Variants in CLASRP observed in about 807,000 individuals in gnomAD.
CLASRP encodes CLK4-associating serine/arginine rich protein.
In CLASRP, 52 loss-of-function variants were observed where a neutral mutation model predicts 99.9. The observed-to-expected ratio is 0.52, with a 90% CI of 0.42 to 0.66. The LOEUF is 0.66. Ranked by LOEUF, CLASRP falls within the 30% of genes least tolerant of loss-of-function variation. The pLI is 0.00. For synonymous variants in CLASRP, 379 were observed against 373.0 expected, an observed-to-expected ratio of 1.02 and a Z score of -0.18; for missense variants, 848 against 999.2, an observed-to-expected ratio of 0.85 and a Z score of 2.04.
At chr19:45,041,833 C>A (rs1302341811) in intron 2 of CLASRP, among the ~76,000 whole-genome samples, 1 of 152,220 alleles carries the variant, frequency 6.6e-6, no homozygotes, top group Non-Finnish European at 1.5e-5. Flanking sequence ...TTGCACAAGT[C>A]ATTTTGGCCT....
rs1444189998 is a variant in CLASRP at position 45,055,352 on chromosome 19, AG to A, written c.380-1094del. ...TCAGCCAGGACTGTGAGCACACTGG[AG>A]GGGCAGAGAGAAGGCCCGTGTGGCT... On this transcript the variant is annotated intron_variant, in intron 5 of 20. Coordinates refer to ENST00000221455, the MANE Select transcript of CLASRP (RefSeq NM_007056.3). Among the ~76,000 whole-genome samples the A allele has an allele frequency of 3.3e-5, 5 of 152,304 alleles. No individual in the cohort carries two copies. In the East Asian group the frequency reaches 9.6e-4, roughly 29 times the overall value.
In CLASRP at chr19:45,069,220, C is replaced by T. The variant is rs1967175742; in HGVS notation, c.1846C>T (p.Arg616Ter). 3 of 1,613,770 alleles carry T rather than the reference C, an allele frequency of 1.9e-6. No homozygotes were observed. Among genetic ancestry groups the T allele is most frequent in the Non-Finnish European group, 2.5e-6 (3 of 1,180,016 alleles). ...HERQEREDEL[R>*]AMARKIRMKE... The stretch of plus-strand genomic sequence containing the variant: ...GCTGCAGGAGCGGGAAGACGAGCTT[C>T]GAGCCATGGCCCGCAAGATCCGCAT... The change falls in exon 18 of 21, where the codon CGA (arginine) becomes TGA (stop). Residue 616 changes from arginine to a stop codon, truncating the protein, a stop_gained. Coordinates refer to ENST00000221455, the MANE Select transcript of CLASRP (RefSeq NM_007056.3). LOFTEE classifies it high-confidence loss of function.
intron 2 of CLASRP, among the ~76,000 whole-genome samples, chr19:45,041,478 T>G (rs943472088): frequency 1.2e-4 from 18 of 152,136 alleles, no homozygotes; most frequent in African/African-American, 3.6e-4. Context: ...TGTGTATCCT[T>G]GGGATCCCAG....
At chr19:45,051,997 A>T in intron 2 of CLASRP, 74 bp from the exon 3 acceptor site, 1 of 1,151,474 alleles carries the variant, frequency 8.7e-7, no homozygotes, top group Non-Finnish European at 1.3e-6. Context: ...CTTGCTGCTA[A>T]GCTCGGTTGT....
At chr19:45,069,989 TC>T (rs1467756119) in intron 18 of CLASRP, 32 bp from the exon 19 acceptor site, 1 of 1,252,942 alleles carries the variant, frequency 8.0e-7, no homozygotes, top group Admixed American at 1.7e-5. Flanking sequence ...TGTCCAGTGT[TC>T]CCGGCCAGAT....
chr19:45,065,662 C>T (rs1967069660), intron 13 of CLASRP, among the ~76,000 whole-genome samples: 2 of 152,154 alleles, frequency 1.3e-5, no homozygotes, highest in African/African-American at 4.8e-5. Flanking sequence ...GACTGGTCCA[C>T]CCCCTTCCGG....
chr19:45,040,533 C>A, intron 2 of CLASRP: 1 of 407,382 alleles, frequency 2.5e-6, no homozygotes, highest in Admixed American at 3.5e-5. Context: ...CAGTGCCGAT[C>A]CGGTGTTAGC....
At chr19:45,069,968 T>C in intron 18 of CLASRP, 54 bp from the exon 19 acceptor site, 1 of 1,001,686 alleles carries the variant, frequency 1.0e-6, no homozygotes, top group Non-Finnish European at 1.6e-6. Flanking sequence ...CTGCCCTCCC[T>C]GAGTTCAGTG....
At chr19:45,044,786 C>A (rs1971884761) in intron 2 of CLASRP, among the ~76,000 whole-genome samples, 1 of 151,944 alleles carries the variant, frequency 6.6e-6, no homozygotes, top group South Asian at 2.1e-4. Flanking sequence ...AGGTGACTTG[C>A]CCAAGGCAAC....
Position 45,060,429 on chromosome 19 carries a change from C to A in CLASRP, c.751C>A (p.His251Asn). The A allele has an allele frequency of 6.2e-7, 1 of 1,614,196 alleles. No individual in the cohort carries two copies. Among genetic ancestry groups the A allele is most frequent in the South Asian group, 1.1e-5 (1 of 91,080 alleles). The change falls in exon 9 of 21, where the codon CAT (histidine) becomes AAT (asparagine). Residue 251 changes from histidine to asparagine, a missense_variant. By Grantham distance (68) the His-to-Asn change is moderately conservative. Transcript: ENST00000221455. The surrounding 1 kb of genome is among the most constrained non-coding windows in gnomAD (Gnocchi z 4.6). ...KDKEEAEAIK[H>N]AKALEEEKAM... ...CAAGGAGGAGGCAGAGGCCATCAAGCATGCCAAGGCTCTTGAGGAGGAGAA... is the reference window on the plus strand; with the variant it reads ...CAAGGAGGAGGCAGAGGCCATCAAGAATGCCAAGGCTCTTGAGGAGGAGAA...
chr19:45,060,775 A>G lies in CLASRP; in HGVS notation c.863+148A>G. The G allele has an allele frequency of 1.5e-6, 1 of 683,600 alleles. No homozygotes were observed. Among genetic ancestry groups the G allele is most frequent in the East Asian group, 2.7e-5 (1 of 36,586 alleles). The allele number at this position is 683,600 out of a possible 1,614,324, so 42.3% of individuals were successfully genotyped here. On this transcript the variant is annotated intron_variant, in intron 10 of 20. Coordinates refer to ENST00000221455, the MANE Select transcript of CLASRP (RefSeq NM_007056.3). This position sits in a 1 kb window ranked among gnomAD's most constrained non-coding sequence, Gnocchi z 4.6. ...CGATGCATGGCCATCGTGAAGGTTT[A>G]GAGGTAGGAACGGCCTTGAGGGCCA...
chr19:45,070,090 C>T lies in CLASRP; in HGVS notation c.1943C>T (p.Pro648Leu). ...ERQYSRQSRS[P>L]SPRYSREYSS... is the part of the protein sequence containing the mutation. ...CAGTACAGCCGGCAGAGCCGCTCAC[C>T]CTCCCCCCGATACAGTGAGTGTCCC... is the stretch of plus-strand genomic sequence containing the variant. The change falls in exon 19 of 21, where the codon CCC (proline) becomes CTC (leucine). Residue 648 changes from proline to leucine, a missense_variant. Pro to Leu is a moderately conservative substitution (Grantham distance 98, BLOSUM62 -3). Coordinates refer to ENST00000221455, the MANE Select transcript of CLASRP (RefSeq NM_007056.3). The T allele has an allele frequency of 6.3e-7, 1 of 1,595,198 alleles. No individual in the cohort carries two copies. Among genetic ancestry groups the T allele is most frequent in the African/African-American group, 1.3e-5 (1 of 74,664 alleles).
chr19:45,039,336 C>A (rs1320891078), intron 1 of CLASRP, among the ~76,000 whole-genome samples: 3 of 151,620 alleles, frequency 2.0e-5, no homozygotes, highest in African/African-American at 7.3e-5. Context: ...AGCAGCTTAT[C>A]ACAGGCCCCG....
In CLASRP at chr19:45,042,959, C is replaced by T. The variant is rs1600092232; in HGVS notation, c.99+2648C>T. On this transcript the variant is annotated intron_variant, in intron 2 of 20. Coordinates refer to ENST00000221455, the MANE Select transcript of CLASRP (RefSeq NM_007056.3). ...CTTTCTGCATACTGACATGATGCCC[C>T]ACTATAAGTGGAAAGTTTCACATAT... Among the ~76,000 whole-genome samples, 7 of 152,184 alleles carry T rather than the reference C, an allele frequency of 4.6e-5. No homozygotes were observed. In the South Asian group the frequency reaches 1.5e-3, roughly 32 times the overall value.
intron 13 of CLASRP, among the ~76,000 whole-genome samples, chr19:45,066,384 C>T (rs1967087600): frequency 6.6e-6 from 1 of 152,142 alleles, no homozygotes; most frequent in Non-Finnish European, 1.5e-5. Context: ...TCCCAAAGTG[C>T]TGGGATTACA....
At chr19:45,040,458 AT>A in intron 2 of CLASRP, 147 bp downstream of exon 2, 1 of 583,388 alleles carries the variant, frequency 1.7e-6, no homozygotes, top group Non-Finnish European at 3.1e-6. Context: ...CTTGAGGATA[AT>A]CATTGGTGGG....
chr19:45,056,823 GAA>G, intron 6 of CLASRP, among the ~76,000 whole-genome samples: 1 of 152,320 alleles, frequency 6.6e-6, no homozygotes, highest in South Asian at 2.1e-4. Flanking sequence ...CCCTGAGTGG[GAA>G]TTGTCTGAGC....
In CLASRP at chr19:45,065,810, G is replaced by A. The variant is rs76696663; in HGVS notation, c.1409+1180G>A. On this transcript the variant is annotated intron_variant, in intron 13 of 20. Coordinates refer to ENST00000221455, the MANE Select transcript of CLASRP (RefSeq NM_007056.3). ...CTGTAAAATCGCGGTAATAGCATCC[G>A]CTTCTCTGAGCTGTTAGAGGTGTAA... Among the ~76,000 whole-genome samples the A allele has an allele frequency of 5.7e-4, 87 of 152,292 alleles. 2 individuals are homozygous for A. In the East Asian group the frequency reaches 0.017, roughly 29 times the overall value.
At chr19:45,048,302 C>G (rs1193086365) in intron 2 of CLASRP, among the ~76,000 whole-genome samples, 1 of 148,574 alleles carries the variant, frequency 6.7e-6, no homozygotes, top group African/African-American at 2.5e-5. Flanking sequence ...TTTGGGAGGC[C>G]GAGGCGGGTG....
Sources: gnomAD v4.1 joint callset for allele counts (sites outside exome capture counted in the v4.1 genomes callset) on GRCh38, gnomAD v4.1.1 for gene constraint, Gnocchi (gnomAD v3.1) non-coding constraint, MANE v1.5 for transcripts, NCBI Gene and HGNC (gene_info 2026-07-23, HGNC 2026-07-21) for gene names.